The following DNAJC25 variants were observed in gnomAD, a reference collection of about 807,000 sequenced individuals.
The protein encoded by DNAJC25 is DnaJ heat shock protein family (Hsp40) member C25.
Under a neutral mutation model 42.1 loss-of-function variants are expected in DNAJC25, and 26 were observed. That is an observed-to-expected ratio of 0.62 (90% confidence interval 0.45 to 0.86). The LOEUF is 0.86. Ranked by LOEUF, DNAJC25 falls within the 40% of genes least tolerant of loss-of-function variation. DNAJC25 has a pLI of 0.00. For missense variants in DNAJC25, 404 were observed against 459.4 expected (o/e 0.88, Z 1.10); for synonymous variants, 189 against 179.9 (o/e 1.05, Z -0.40).
chr9:111,637,037 G>A, intron 1 of DNAJC25, among the ~76,000 whole-genome samples: 1 of 152,308 alleles, frequency 6.6e-6, no homozygotes, highest in East Asian at 1.9e-4. Flanking sequence ...TAATCAACCT[G>A]AAAACTACTG....
chr9:111,639,928 C>G (rs13296383), intron 1 of DNAJC25, among the ~76,000 whole-genome samples: 15,221 of 119,848 alleles, frequency 0.13, 1,461 homozygotes, highest in African/African-American at 0.27. Context: ...CTCCCTCTCC[C>G]TCTCCGTCTC....
At chr9:111,632,385 G>A (rs147545284) in intron 1 of DNAJC25, among the ~76,000 whole-genome samples, 57 of 152,312 alleles carry the variant, frequency 3.7e-4, no homozygotes, top group African/African-American at 1.3e-3. Context: ...TGATAAGTGT[G>A]CGAACCGCCC....
chr9:111,654,019 T>C lies in DNAJC25; in HGVS notation c.*797T>C, dbSNP rs1486293239. The C allele has an allele frequency of 6.6e-6, 1 of 152,220 alleles. No homozygotes were observed. The highest frequency in any genetic ancestry group is 1.9e-4 in the East Asian group (1 of 5,182). 9.4% of individuals were successfully genotyped at this position (152,220 alleles called of 1,614,324 possible). On this transcript the variant is annotated 3_prime_UTR_variant, in exon 4 of 4. Transcript: ENST00000313525. ...AGTATTGGTTTTTTCCCCTCTCTCT[T>C]CACTTAAAAAAAAAAATAGCAAGGC...
chr9:111,643,197 T>C, intron 1 of DNAJC25: 1 of 257,132 alleles, frequency 3.9e-6, no homozygotes, highest in East Asian at 8.8e-5. Flanking sequence ...CTGAAGTTTT[T>C]ATGACATCGC....
intron 1 of DNAJC25, among the ~76,000 whole-genome samples, chr9:111,641,956 G>A (rs1589344362): frequency 2.3e-5 from 3 of 131,658 alleles, no homozygotes; most frequent in East Asian, 2.6e-4. Context: ...CCCCCCGCCC[G>A]GCCAGCCGCC....
In DNAJC25 at chr9:111,631,351, C is replaced by T. The variant is rs984677349; in HGVS notation, c.-57C>T. 8.0e-6 allele frequency: 10 copies of T among 1,253,004 alleles called. No homozygotes were observed. In the South Asian group the frequency reaches 1.4e-4, roughly 17 times the overall value. The allele number at this position is 1,253,004 out of a possible 1,614,324, so 77.6% of individuals were successfully genotyped here. On this transcript the variant is annotated 5_prime_UTR_variant, in exon 1 of 4. Coordinates refer to ENST00000313525, the MANE Select transcript of DNAJC25 (RefSeq NM_001015882.3). The stretch of plus-strand genomic sequence containing the variant: ...CTGGGGCCAGACGGGACTAGCCGGG[C>T]GCGCGGCTGAGTGCTGCAGAATCGC...
intron 1 of DNAJC25, among the ~76,000 whole-genome samples, chr9:111,644,551 T>C (rs893698367): frequency 6.6e-6 from 1 of 152,138 alleles, no homozygotes; most frequent in African/African-American, 2.4e-5. Flanking sequence ...TCAACGACAC[T>C]CCAAGACCTT....
intron 3 of DNAJC25, among the ~76,000 whole-genome samples, chr9:111,651,098 C>G (rs1296729004): frequency 6.6e-6 from 1 of 151,606 alleles, no homozygotes; most frequent in Admixed American, 6.6e-5. Flanking sequence ...GAAACCCTGT[C>G]TCAAAATACA....
chr9:111,648,057 G>A (rs550786135), intron 2 of DNAJC25, among the ~76,000 whole-genome samples: 40 of 152,252 alleles, frequency 2.6e-4, no homozygotes, highest in Admixed American at 4.6e-4. Context: ...AATTACAGGC[G>A]TGAGCCACTG....
chr9:111,644,308 A>T (rs1283169616), intron 1 of DNAJC25, among the ~76,000 whole-genome samples: 1 of 152,196 alleles, frequency 6.6e-6, no homozygotes, highest in Non-Finnish European at 1.5e-5. Context: ...GAGGCCAGAC[A>T]CAAGGTATAA....
intron 1 of DNAJC25, among the ~76,000 whole-genome samples, chr9:111,640,873 C>G (rs1350090834): frequency 2.7e-5 from 3 of 109,572 alleles, no homozygotes; most frequent in African/African-American, 8.9e-5. Context: ...CCGCCCCATC[C>G]GGGAGGGAGG....
chr9:111,637,221 C>T (rs940460816), intron 1 of DNAJC25, among the ~76,000 whole-genome samples: 10 of 151,902 alleles, frequency 6.6e-5, no homozygotes, highest in South Asian at 4.2e-4. Context: ...TGCGAGGTGC[C>T]GTGGGAGGGA....
intron 1 of DNAJC25, among the ~76,000 whole-genome samples, chr9:111,644,599 G>A (rs1041020195): frequency 1.1e-4 from 16 of 152,144 alleles, no homozygotes; most frequent in Admixed American, 3.9e-4. Context: ...GCAGACAGCC[G>A]GGGCAAAGGG....
Position 111,631,514 on chromosome 9 carries a change from CG to C in DNAJC25, c.112del (p.Ala38ProfsTer19), listed in dbSNP as rs1230468049. 3.0e-6 allele frequency: 4 copies of C among 1,333,540 alleles called. No individual in the cohort carries two copies. The highest frequency in any genetic ancestry group is 1.9e-6 in the Non-Finnish European group (2 of 1,048,458). 82.6% of individuals were successfully genotyped at this position (1,333,540 alleles called of 1,614,324 possible). Reference protein sequence around the residue: ...LLPALLLVRPAGALVEGLYCG... With the variant: ...LLPALLLVRPXGALVEGLYCG... ...CCGGCGCTGCTGCTGGTGCGGCCCG[CG>C]GGGGCCCTGGTGGAGGGGCTCTACT... is the stretch of plus-strand genomic sequence containing the variant. On this transcript the variant is annotated frameshift_variant, in exon 1 of 4. Transcript: ENST00000313525. LOFTEE classifies it high-confidence loss of function.
rs1018226407 is a variant in DNAJC25, at chr9:111,654,247, A to T, written c.*1025A>T. The stretch of plus-strand genomic sequence containing the variant: ...ATTATTTGACTGAATCAGGCATGAT[A>T]CTGCACCAAAGTGTTGGTACATATT... On this transcript the variant is annotated 3_prime_UTR_variant, in exon 4 of 4. Coordinates refer to ENST00000313525, the MANE Select transcript of DNAJC25 (RefSeq NM_001015882.3). 3 of 152,272 alleles carry T rather than the reference A, an allele frequency of 2.0e-5. No homozygotes were observed. Among genetic ancestry groups the T allele is most frequent in the Non-Finnish European group, 4.4e-5 (3 of 68,042 alleles). 9.4% of individuals were successfully genotyped at this position (152,272 alleles called of 1,614,324 possible). A position where few individuals can be genotyped will look rare whatever the true frequency, so the allele number is the denominator to read the frequency against.
chr9:111,647,359 A>C (rs1830582705), intron 2 of DNAJC25, 100 bp downstream of exon 2: 1 of 1,435,320 alleles, frequency 7.0e-7, no homozygotes, highest in African/African-American at 1.4e-5. Flanking sequence ...TTCTTGTAAA[A>C]TTTTACTTCT....
rs1830629719 is a variant in DNAJC25 at position 111,649,906 on chromosome 9, A to T, written c.943A>T (p.Ile315Phe). The change falls in exon 3 of 4, where the codon ATC (isoleucine) becomes TTC (phenylalanine). Residue 315 changes from isoleucine (I) to phenylalanine (F), a missense_variant. Physicochemically the swap from Ile to Phe is conservative, Grantham distance 21. Transcript: ENST00000313525. ...AACTTTTCTTAAACGAGAGCTCTGG[A>T]TCAAGGAGAATTATGAGGTGAGTAG... ...KETFLKRELW[I>F]KENYEVYKQE... 1 of 1,579,018 alleles carries T rather than the reference A, an allele frequency of 6.3e-7. No individual in the cohort carries two copies. The highest frequency in any genetic ancestry group is 1.2e-5 in the South Asian group (1 of 83,952).
Position 111,639,928 on chromosome 9 carries a change from C to CTCTG in DNAJC25, c.337-7176_337-7175insGTCT, listed in dbSNP as rs1830422228. 2.8e-3 allele frequency among the ~76,000 whole-genome samples: 339 copies of CTCTG among 120,038 alleles called. 4 individuals carry two copies. Among genetic ancestry groups the CTCTG allele is most frequent in the African/African-American group, 9.1e-3 (322 of 35,490 alleles). The allele number at this position is 120,038 out of a possible 152,430, so 78.7% of individuals were successfully genotyped here. On this transcript the variant is annotated intron_variant, in intron 1 of 3. Coordinates refer to ENST00000313525, the MANE Select transcript of DNAJC25 (RefSeq NM_001015882.3). The stretch of plus-strand genomic sequence containing the variant: ...CCTCTCCCTCTCCCTCTCCCTCTCC[C>CTCTG]TCTCCGTCTCCGTCTCCGTCTCCGT...
intron 1 of DNAJC25, among the ~76,000 whole-genome samples, chr9:111,640,578 G>A (rs1830438807): frequency 1.9e-5 from 1 of 51,476 alleles, no homozygotes; most frequent in African/African-American, 1.1e-4. Context: ...CTGCCCCGCC[G>A]CCCCATCTGG....
Sources: allele counts gnomAD v4.1 joint callset (sites outside exome capture counted in the v4.1 genomes callset), GRCh38; gene constraint gnomAD v4.1.1; transcripts MANE v1.5; gene names NCBI Gene and HGNC (gene_info 2026-07-23, HGNC 2026-07-21).